The following OSBPL6 variants were observed in gnomAD, a reference collection of about 807,000 sequenced individuals.
OSBPL6 encodes the protein oxysterol binding protein like 6, also known as oxysterol-binding protein-related protein 6.
In OSBPL6, 49 loss-of-function variants were observed where a neutral mutation model predicts 125.8. That is an observed-to-expected ratio of 0.39 (90% CI 0.31 to 0.49). The LOEUF is 0.49. Ranked by LOEUF, OSBPL6 falls within the 20% of genes least tolerant of loss-of-function variation. The pLI, the probability that OSBPL6 is intolerant of heterozygous loss-of-function variation, is 0.88. For synonymous variants in OSBPL6, 394 were observed against 391.8 expected (o/e 1.01, Z -0.07); for missense variants, 986 against 1,135.4 (o/e 0.87, Z 1.89).
chr2:178,210,891 G>A (rs1422909518), intron 1 of OSBPL6, among the ~76,000 whole-genome samples: 2 of 151,742 alleles, frequency 1.3e-5, no homozygotes, highest in Non-Finnish European at 2.9e-5. Context: ...ACAAGGACAG[G>A]GGTAGAGGGT....
At chr2:178,199,466 G>A (rs1383594168) in intron 1 of OSBPL6, among the ~76,000 whole-genome samples, 1 of 152,046 alleles carries the variant, frequency 6.6e-6, no homozygotes, top group East Asian at 1.9e-4. Flanking sequence ...TATTGCTTAG[G>A]TTTGGGGCCA....
In OSBPL6 at chr2:178,372,225, C is replaced by G; in HGVS notation, c.1387C>G (p.Pro463Ala). The change falls in exon 14 of 25, where the codon CCT (proline) becomes GCT (alanine). Residue 463 changes from proline to alanine, a missense_variant. Around this residue, in one of 3 missense-constraint regions of OSBPL6, gnomAD observed 843 missense variants for 997.3 expected, o/e 0.85. Transcript: ENST00000190611. The stretch of plus-strand genomic sequence containing the variant: ...TGTCAGTGTAAATATTATTCCTAGC[C>G]CTGATGAGGTAAGACTCATTTTAAA... ...QVVSVNIIPS[P>A]DEAGEQIHVS... 1 of 1,607,736 alleles carries G rather than the reference C, an allele frequency of 6.2e-7. No homozygotes were observed. Among genetic ancestry groups the G allele is most frequent in the Non-Finnish European group, 8.5e-7 (1 of 1,175,524 alleles).
intron 1 of OSBPL6, among the ~76,000 whole-genome samples, chr2:178,253,175 C>A (rs1039629258): frequency 6.6e-6 from 1 of 152,118 alleles, no homozygotes; most frequent in Admixed American, 6.5e-5. Context: ...GCGCCCACCA[C>A]CAAGCCCAGC....
intron 3 of OSBPL6, among the ~76,000 whole-genome samples, chr2:178,312,457 T>C (rs334598): frequency 0.97 from 146,341 of 151,388 alleles, 70,772 homozygotes; most frequent in Non-Finnish European, 0.98. Flanking sequence ...CATGCCCAGA[T>C]AATTTTGGTT....
intron 1 of OSBPL6, among the ~76,000 whole-genome samples, chr2:178,201,699 C>A (rs367748933): frequency 1.1e-3 from 175 of 152,340 alleles, no homozygotes; most frequent in African/African-American, 3.7e-3. Flanking sequence ...CAGACTTGTA[C>A]TGACCATCAC....
intron 1 of OSBPL6, among the ~76,000 whole-genome samples, chr2:178,248,930 T>G (rs560213262): frequency 3.3e-5 from 5 of 152,166 alleles, no homozygotes; most frequent in Non-Finnish European, 7.3e-5. Flanking sequence ...TATTTTTTAT[T>G]TTTCATTCTA....
At chr2:178,210,850 C>A (rs980055102) in intron 1 of OSBPL6, among the ~76,000 whole-genome samples, 27 of 149,546 alleles carry the variant, frequency 1.8e-4, no homozygotes, top group African/African-American at 4.0e-4. Flanking sequence ...ACACACACAC[C>A]CCTCTCTGCT....
chr2:178,246,188 G>A (rs780976063), intron 1 of OSBPL6, among the ~76,000 whole-genome samples: 17 of 152,062 alleles, frequency 1.1e-4, no homozygotes, highest in East Asian at 3.9e-4. Context: ...TTTTCACTGC[G>A]AGAGTATTAG....
chr2:178,360,177 G>T (rs546912929), intron 12 of OSBPL6, among the ~76,000 whole-genome samples: 48 of 152,278 alleles, frequency 3.2e-4, no homozygotes, highest in East Asian at 1.7e-3. Context: ...AGTATATATA[G>T]AGAGAGAATA....
chr2:178,325,351 A>T (rs764060827), intron 4 of OSBPL6, among the ~76,000 whole-genome samples: 12 of 152,170 alleles, frequency 7.9e-5, no homozygotes, highest in Non-Finnish European at 1.8e-4. Flanking sequence ...TTACTACCCA[A>T]CTGTATGGAA....
Sources: gnomAD v4.1 joint callset for allele counts (sites outside exome capture counted in the v4.1 genomes callset) on GRCh38, gnomAD v4.1.1 for gene constraint, gnomAD v4.1.1 regional missense constraint, MANE v1.5 for transcripts, NCBI Gene and HGNC (gene_info 2026-07-23, HGNC 2026-07-21) for gene names.